EBF3: variants seen among roughly 807,000 people sequenced by gnomAD.
EBF3 encodes the protein EBF transcription factor 3, also known as transcription factor COE3.
A neutral mutation model predicts 77.1 loss-of-function variants in EBF3; 18 were observed. The ratio of observed to expected loss-of-function variants is 0.23; its 90% confidence interval spans 0.16 to 0.35. The LOEUF (loss-of-function observed/expected upper bound fraction) is 0.35, where lower values mean the gene tolerates loss of function less well. Among genes scored for constraint, EBF3 ranks in the 10% least tolerant of loss-of-function variants. EBF3 has a pLI of 1.00. For missense variants in EBF3, 558 were observed against 860.0 expected, an observed-to-expected ratio of 0.65 and a Z score of 4.39; for synonymous variants, 350 against 343.5, an observed-to-expected ratio of 1.02 and a Z score of -0.21.
intron 16 of EBF3, among the ~76,000 whole-genome samples, chr10:129,838,602 T>C (rs1055302360): frequency 3.3e-5 from 5 of 152,194 alleles, no homozygotes; most frequent in African/African-American, 1.2e-4. Context: ...ACCTTTTTTC[T>C]CTTCTCAGGA....
In EBF3 at chr10:129,880,204, A is replaced by G. The variant is rs7072665; in HGVS notation, c.555-2355T>C. 4.4e-3 allele frequency among the ~76,000 whole-genome samples: 663 copies of G among 152,280 alleles called. 5 individuals carry two copies. The highest frequency in any genetic ancestry group is 0.016 in the African/African-American group (646 of 41,550). The stretch of plus-strand genomic sequence containing the variant: ...GTCATCCTCTGCAGAAATCAGCAGG[A>G]CAAAGTCGGGTGCTGGACCCCAGAA... On this transcript the variant is annotated intron_variant, in intron 6 of 16. Coordinates refer to ENST00000440978, the MANE Select transcript of EBF3 (RefSeq NM_001375380.1).
At chr10:129,854,397 C>T (rs534238504) in intron 10 of EBF3, among the ~76,000 whole-genome samples, 59 of 152,134 alleles carry the variant, frequency 3.9e-4, no homozygotes, top group South Asian at 3.1e-3. Flanking sequence ...GGATGAAAAG[C>T]GGCCAGGGCA....
chr10:129,899,403 C>T (rs1854624940), intron 6 of EBF3, among the ~76,000 whole-genome samples: 1 of 152,190 alleles, frequency 6.6e-6, no homozygotes, highest in African/African-American at 2.4e-5. Context: ...TCCTCCAGGC[C>T]CCGCCTCACC....
At chr10:129,942,207 A>T (rs1349633874) in intron 6 of EBF3, among the ~76,000 whole-genome samples, 1 of 152,190 alleles carries the variant, frequency 6.6e-6, no homozygotes, top group African/African-American at 2.4e-5. Flanking sequence ...TTAAGTTTTG[A>T]AAGATCATCG....
chr10:129,949,697 T>C (rs1428501024), intron 6 of EBF3, among the ~76,000 whole-genome samples: 4 of 152,112 alleles, frequency 2.6e-5, no homozygotes, highest in Non-Finnish European at 5.9e-5. Flanking sequence ...GACCTGTTCT[T>C]CAGCAGCTCC....
chr10:129,868,846 A>G (rs552527105), intron 8 of EBF3, among the ~76,000 whole-genome samples: 1 of 152,294 alleles, frequency 6.6e-6, no homozygotes, highest in East Asian at 1.9e-4. Context: ...CCTCTTGTAC[A>G]TGGGCTCCCA....
At chr10:129,846,458 G>A (rs143124111) in intron 11 of EBF3, among the ~76,000 whole-genome samples, 1,554 of 151,900 alleles carry the variant, frequency 0.01, 12 homozygotes, top group Non-Finnish European at 0.018. Context: ...TGAGACACAC[G>A]CTTTACATCT....
At chr10:129,921,833 G>A (rs1456157942) in intron 6 of EBF3, among the ~76,000 whole-genome samples, 1 of 152,148 alleles carries the variant, frequency 6.6e-6, no homozygotes, top group African/African-American at 2.4e-5. Flanking sequence ...CCTCAAACAC[G>A]AAGGCCGCCC....
At chr10:129,917,958 G>A (rs1041413843) in intron 6 of EBF3, among the ~76,000 whole-genome samples, 6 of 152,202 alleles carry the variant, frequency 3.9e-5, no homozygotes, top group Non-Finnish European at 8.8e-5. Context: ...AGAGGACCCA[G>A]AATGGGGCAG....
At chr10:129,908,236 C>A (rs1395067961) in intron 6 of EBF3, among the ~76,000 whole-genome samples, 4 of 152,088 alleles carry the variant, frequency 2.6e-5, no homozygotes, top group African/African-American at 9.7e-5. Context: ...AATTCTAAGC[C>A]CCCAAGAAAT....
rs776553203 is a variant in EBF3, at chr10:129,867,879, T to C, written c.815A>G (p.Glu272Gly). Residue 272 changes from glutamate to glycine, a missense_variant, in exon 9 of 17, where the codon GAA (glutamate) becomes GGA (glycine). Around this residue, in one of 5 missense-constraint regions of EBF3, gnomAD observed 112 missense variants for 207.7 expected, o/e 0.54. Transcript: ENST00000440978. The part of the protein sequence containing the change: ...TPCIKAISPS[E>G]GWTTGGATVI... ...GGTGGCACCCCCCGTGGTCCAGCCT[T>C]CACTGGGACTGATGGCCTTGATGCA... The C allele has an allele frequency of 1.2e-6, 2 of 1,614,196 alleles. No individual in the cohort carries two copies. Among genetic ancestry groups the C allele is most frequent in the Non-Finnish European group, 1.7e-6 (2 of 1,180,020 alleles).
intron 6 of EBF3, among the ~76,000 whole-genome samples, chr10:129,931,783 G>C (rs976644912): frequency 6.6e-6 from 1 of 152,226 alleles, no homozygotes; most frequent in Non-Finnish European, 1.5e-5. Context: ...AATGCCTGCT[G>C]ACCTCAAGCT....
intron 10 of EBF3, among the ~76,000 whole-genome samples, chr10:129,855,920 C>T (rs972074234): frequency 4.6e-5 from 7 of 152,198 alleles, no homozygotes; most frequent in African/African-American, 1.7e-4. Flanking sequence ...AATCTGCACA[C>T]AGAGGTAAAC....
chr10:129,944,041 GC>G lies in EBF3; in HGVS notation c.554+13216del, dbSNP rs1857996527. Reference sequence around the variant, plus strand: ...TCATCTCTAGTGTTATGTTATTATCGCCTTTATGTTTTAATCCATTTTTTAC... The same window carrying G: ...TCATCTCTAGTGTTATGTTATTATCGCTTTATGTTTTAATCCATTTTTTAC... On this transcript the variant is annotated intron_variant, in intron 6 of 16. Coordinates refer to ENST00000440978, the MANE Select transcript of EBF3 (RefSeq NM_001375380.1). The surrounding 1 kb of genome is among the most constrained non-coding windows in gnomAD (Gnocchi z 5.1). Among the ~76,000 whole-genome samples the G allele has an allele frequency of 6.6e-6, 1 of 152,038 alleles. No individual in the cohort carries two copies. The highest frequency in any genetic ancestry group is 2.1e-4 in the South Asian group (1 of 4,832).
At position 129,944,428 on chromosome 10, in the gene EBF3, A is replaced by G. The variant is rs1416864733; in HGVS notation, c.554+12830T>C. 6.6e-6 allele frequency among the ~76,000 whole-genome samples: 1 copy of G among 152,266 alleles called. No individual in the cohort carries two copies. Among genetic ancestry groups the G allele is most frequent in the Non-Finnish European group, 1.5e-5 (1 of 68,052 alleles). ...GGGCTGCAGATGAGATCTGATTTCA[A>G]TTGGTGAGCAAACCTGCAGAAGTTT... On this transcript the variant is annotated intron_variant, in intron 6 of 16. Coordinates refer to ENST00000440978, the MANE Select transcript of EBF3 (RefSeq NM_001375380.1). The surrounding 1 kb of genome is among the most constrained non-coding windows in gnomAD (Gnocchi z 5.1).
intron 10 of EBF3, among the ~76,000 whole-genome samples, chr10:129,849,916 C>T (rs895281182): frequency 4.6e-5 from 7 of 152,166 alleles, no homozygotes; most frequent in African/African-American, 1.7e-4. Context: ...TGTGTAAAAC[C>T]ACTTCATAAT....
rs2134052865 is a variant in EBF3 at position 129,863,019 on chromosome 10, T to C, written c.1039+4122A>G. Among the ~76,000 whole-genome samples the C allele has an allele frequency of 6.6e-6, 1 of 152,352 alleles. No individual in the cohort carries two copies. On this transcript the variant is annotated intron_variant, in intron 10 of 16. Coordinates refer to ENST00000440978, the MANE Select transcript of EBF3 (RefSeq NM_001375380.1). This position sits in a 1 kb window ranked among gnomAD's most constrained non-coding sequence, Gnocchi z 4.0. Reference sequence around the variant, plus strand: ...TGCACTCAGTTATTAATTTGCACTATTTACTTTTAAATGCAGCAAATATCT... The same window carrying C: ...TGCACTCAGTTATTAATTTGCACTACTTACTTTTAAATGCAGCAAATATCT...
chr10:129,928,777 T>C (rs542721046), intron 6 of EBF3, among the ~76,000 whole-genome samples: 1 of 152,240 alleles, frequency 6.6e-6, no homozygotes, highest in East Asian at 1.9e-4. Flanking sequence ...GTTCTGAGAG[T>C]CAGTTTACGG....
At chr10:129,926,513 AAGC>A (rs1856681816) in intron 6 of EBF3, among the ~76,000 whole-genome samples, 1 of 152,140 alleles carries the variant, frequency 6.6e-6, no homozygotes, top group South Asian at 2.1e-4. Flanking sequence ...ACTCAGCCCA[AAGC>A]AGTGAAACCT....
Sources: gnomAD v4.1 joint callset for allele counts (sites outside exome capture counted in the v4.1 genomes callset) on GRCh38, gnomAD v4.1.1 for gene constraint, gnomAD v4.1.1 regional missense constraint, Gnocchi (gnomAD v3.1) non-coding constraint, MANE v1.5 for transcripts, NCBI Gene and HGNC (gene_info 2026-07-23, HGNC 2026-07-21) for gene names.